KAT6B: variants seen among roughly 807,000 people sequenced by gnomAD.
The protein encoded by KAT6B is histone acetyltransferase KAT6B.
In KAT6B, 10 loss-of-function variants were observed where a neutral mutation model predicts 187.5. The ratio of observed to expected loss-of-function variants is 0.05; its 90% CI spans 0.03 to 0.09. The LOEUF (loss-of-function observed/expected upper bound fraction) is 0.09. KAT6B is among the 10% of genes least tolerant of loss of function. KAT6B has a pLI of 1.00. For synonymous variants in KAT6B, 861 were observed against 926.8 expected (o/e 0.93, Z 1.29); for missense variants, 1,952 against 2,558.9 (o/e 0.76, Z 5.12).
At chr10:74,875,223 C>T (rs370038970) in intron 3 of KAT6B, among the ~76,000 whole-genome samples, 7 of 152,102 alleles carry the variant, frequency 4.6e-5, no homozygotes, top group Admixed American at 3.3e-4. Flanking sequence ...AAAATAAGAT[C>T]TTGTTGTTTG....
intron 13 of KAT6B, among the ~76,000 whole-genome samples, chr10:74,999,748 C>T (rs187017574): frequency 9.2e-5 from 14 of 152,250 alleles, no homozygotes; most frequent in Admixed American, 4.6e-4. Flanking sequence ...TCTTCTGGGA[C>T]GAGACACTAA....
rs568573370 is a variant in KAT6B, at chr10:74,924,408, G to A, written c.622-35562G>A. On this transcript the variant is annotated intron_variant, in intron 3 of 17. Coordinates refer to ENST00000287239, the MANE Select transcript of KAT6B (RefSeq NM_012330.4). ...TAGCAATGCATGCTGTCAGTTTGGT[G>A]ACTAATTGGGTTAGAGGTTAATAGC... Among the ~76,000 whole-genome samples the A allele has an allele frequency of 9.8e-5, 15 of 152,312 alleles. No homozygotes were observed. In the South Asian group the frequency reaches 2.3e-3, roughly 23 times the overall value.
chr10:74,843,001 T>G lies in KAT6B; in HGVS notation c.144T>G (p.Ser48=). Residue 48 remains serine (S), a synonymous_variant, in exon 3 of 18, where the codon TCT becomes TCG. Coordinates refer to ENST00000287239, the MANE Select transcript of KAT6B (RefSeq NM_012330.4). ...TSHGLDKKTV[S]EQLELSVQDG... ...ATGGGTTGGATAAGAAGACAGTCTC[T>G]GAACAGCTGGAACTCAGTGTTCAGG... 6.2e-7 allele frequency: 1 copy of G among 1,614,218 alleles called. No individual in the cohort carries two copies. The highest frequency in any genetic ancestry group is 8.5e-7 in the Non-Finnish European group (1 of 1,180,034).
chr10:74,937,130 G>A (rs1345048079), intron 3 of KAT6B, among the ~76,000 whole-genome samples: 2 of 152,214 alleles, frequency 1.3e-5, no homozygotes, highest in Admixed American at 6.5e-5. Flanking sequence ...TTATTTGGCA[G>A]TGAGTTAAAG....
chr10:74,873,275 A>G (rs1295775490), intron 3 of KAT6B, among the ~76,000 whole-genome samples: 2 of 151,066 alleles, frequency 1.3e-5, no homozygotes, highest in Non-Finnish European at 1.5e-5. Context: ...AGCCTGGGCA[A>G]CATAGAGAGA....
At chr10:74,893,595 G>A (rs1029259115) in intron 3 of KAT6B, among the ~76,000 whole-genome samples, 5 of 151,354 alleles carry the variant, frequency 3.3e-5, no homozygotes, top group African/African-American at 1.2e-4. Flanking sequence ...TCAGCCTCCC[G>A]AGTAGCTGGG....
intron 3 of KAT6B, among the ~76,000 whole-genome samples, chr10:74,927,105 G>C (rs901660839): frequency 1.3e-5 from 2 of 152,190 alleles, no homozygotes; most frequent in Non-Finnish European, 2.9e-5. Context: ...ATCTCACTGA[G>C]GATGTCATTG....
chr10:75,001,950 A>T (rs1388257870), intron 13 of KAT6B, among the ~76,000 whole-genome samples: 1 of 152,126 alleles, frequency 6.6e-6, no homozygotes, highest in African/African-American at 2.4e-5. Context: ...TACCCTCAGG[A>T]GCTGCATCCC....
chr10:74,926,466 C>T (rs975807641), intron 3 of KAT6B, among the ~76,000 whole-genome samples: 3 of 152,204 alleles, frequency 2.0e-5, no homozygotes, highest in South Asian at 2.1e-4. Flanking sequence ...AAAACAACAA[C>T]GACAACAAAA....
At chr10:75,021,335 ATTC>A (rs1449463759) in intron 15 of KAT6B, 50 bp downstream of exon 15, 1 of 1,586,948 alleles carries the variant, frequency 6.3e-7, no homozygotes, top group East Asian at 2.2e-5. Flanking sequence ...ATCTTGTAGC[ATTC>A]TTAAGCTAAG....
intron 3 of KAT6B, among the ~76,000 whole-genome samples, chr10:74,846,669 C>T (rs923486980): frequency 6.6e-6 from 1 of 152,188 alleles, no homozygotes; most frequent in African/African-American, 2.4e-5. Context: ...AATCTCCTGA[C>T]CTCATGGTCC....
intron 3 of KAT6B, among the ~76,000 whole-genome samples, chr10:74,936,217 A>G (rs769390291): frequency 1.7e-4 from 26 of 152,122 alleles, no homozygotes; most frequent in Non-Finnish European, 3.1e-4. Context: ...CCTGGCCAAC[A>G]TGGTGAAACC....
At chr10:74,847,382 G>T (rs1384434122) in intron 3 of KAT6B, among the ~76,000 whole-genome samples, 1 of 152,096 alleles carries the variant, frequency 6.6e-6, no homozygotes, top group Non-Finnish European at 1.5e-5. Flanking sequence ...TTTTTTTCCA[G>T]CTGGGTGCAG....
intron 13 of KAT6B, among the ~76,000 whole-genome samples, 182 bp downstream of exon 13, chr10:74,989,294 T>C (rs1842986611): frequency 6.6e-6 from 1 of 152,208 alleles, no homozygotes; most frequent in Admixed American, 6.5e-5. Context: ...TGCTGCTCAG[T>C]GATTGTACTC....
intron 3 of KAT6B, among the ~76,000 whole-genome samples, chr10:74,943,939 T>C (rs1444252170): frequency 6.6e-6 from 1 of 152,222 alleles, no homozygotes; most frequent in African/African-American, 2.4e-5. Context: ...TGTAAGGAAC[T>C]CTTACAACTG....
chr10:74,946,239 C>T (rs1395496401), intron 3 of KAT6B, among the ~76,000 whole-genome samples: 3 of 152,092 alleles, frequency 2.0e-5, no homozygotes, highest in Non-Finnish European at 2.9e-5. Flanking sequence ...AATAATATTT[C>T]CCATTATTTT....
intron 11 of KAT6B, chr10:74,984,756 G>C (rs1842716955): frequency 2.8e-6 from 1 of 359,934 alleles, no homozygotes; most frequent in Non-Finnish European, 5.2e-6. Context: ...CAGATAGAGA[G>C]GACATGCCTG....
chr10:74,865,959 T>C (rs952198818), intron 3 of KAT6B, among the ~76,000 whole-genome samples: 1 of 152,148 alleles, frequency 6.6e-6, no homozygotes, highest in Non-Finnish European at 1.5e-5. Flanking sequence ...TGCTGATTTT[T>C]TTCAACCAAA....
At chr10:74,910,439 A>T (rs767143040) in intron 3 of KAT6B, among the ~76,000 whole-genome samples, 1 of 152,162 alleles carries the variant, frequency 6.6e-6, no homozygotes, top group African/African-American at 2.4e-5. Flanking sequence ...AGGAGGAGAA[A>T]TGAGCTTAAT....
Sources: gnomAD v4.1 joint callset for allele counts (sites outside exome capture counted in the v4.1 genomes callset) on GRCh38, gnomAD v4.1.1 for gene constraint, MANE v1.5 for transcripts, NCBI Gene and HGNC (gene_info 2026-07-23, HGNC 2026-07-21) for gene names.